Variants in TADA2B observed in about 807,000 individuals in gnomAD.
TADA2B encodes the protein transcriptional adaptor 2B.
TADA2B carries 13 observed loss-of-function variants against 34.5 expected under a neutral mutation model. The ratio of observed to expected loss-of-function variants is 0.38; its 90% CI spans 0.25 to 0.60. The LOEUF (loss-of-function observed/expected upper bound fraction) is 0.60, where lower values mean the gene tolerates loss of function less well. Among genes scored for constraint, TADA2B ranks in the 20% least tolerant of loss-of-function variants. The pLI, the probability that TADA2B is intolerant of heterozygous loss-of-function variation, is 0.65. For missense variants in TADA2B, 442 were observed against 575.0 expected (o/e 0.77, Z 2.37); for synonymous variants, 240 against 243.4 (o/e 0.99, Z 0.13).
Position 7,055,008 on chromosome 4 carries a change from T to C in TADA2B, c.1217T>C (p.Leu406Ser), listed in dbSNP as rs1403855388. 2.1e-5 allele frequency: 34 copies of C among 1,611,872 alleles called. No homozygotes were observed. The highest frequency in any genetic ancestry group is 2.8e-5 in the Non-Finnish European group (33 of 1,179,472). The change falls in exon 2 of 2, where the codon TTG becomes TCG. Residue 406 changes from leucine (L) to serine (S), a missense_variant. Coordinates refer to ENST00000310074, the MANE Select transcript of TADA2B (RefSeq NM_152293.3). Reference sequence around the variant, plus strand: ...GACAAAGTCCTAAAGAAAAGGATTTTGAATTTCCTCACAGAAAGCGGCTGG... The same window carrying C: ...GACAAAGTCCTAAAGAAAAGGATTTCGAATTTCCTCACAGAAAGCGGCTGG... ...YLDKVLKKRI[L>S]NFLTESGWIS...
intron 1 of TADA2B, among the ~76,000 whole-genome samples, chr4:7,044,671 C>T (rs1723578694): frequency 6.6e-6 from 1 of 152,188 alleles, no homozygotes; most frequent in South Asian, 2.1e-4. Flanking sequence ...AAATCTCTAG[C>T]CGTATTCCCG....
rs1231722912 is a variant in TADA2B, at chr4:7,054,092, C to T, written c.301C>T (p.Arg101Trp). 2.5e-6 allele frequency: 4 copies of T among 1,594,114 alleles called. No homozygotes were observed. Among genetic ancestry groups the T allele is most frequent in the Non-Finnish European group, 3.4e-6 (4 of 1,169,504 alleles). The change falls in exon 2 of 2, where the codon CGG becomes TGG. Residue 101 changes from arginine to tryptophan, a missense_variant. Around this residue, in one of 4 missense-constraint regions of TADA2B, gnomAD observed 102 missense variants for 177.2 expected, o/e 0.58. Coordinates refer to ENST00000310074, the MANE Select transcript of TADA2B (RefSeq NM_152293.3). ...EDMAAHVGAS[R>W]TPQEVMEHYV... ...TATGGCTGCCCACGTTGGTGCTTCC[C>T]GGACTCCCCAAGAGGTGATGGAGCA... is the stretch of plus-strand genomic sequence containing the variant.
intron 1 of TADA2B, among the ~76,000 whole-genome samples, chr4:7,052,077 G>A (rs921618029): frequency 6.6e-6 from 1 of 152,224 alleles, no homozygotes; most frequent in Admixed American, 6.5e-5. Context: ...CCAGCCTCAC[G>A]TGCCTGGGAA....
chr4:7,054,146 C>T lies in TADA2B; in HGVS notation c.355C>T (p.Leu119=), dbSNP rs777621987. The T allele has an allele frequency of 8.1e-6, 13 of 1,604,628 alleles. No homozygotes were observed. In the South Asian group the frequency reaches 1.5e-4, roughly 18 times the overall value. The change falls in exon 2 of 2, where the codon CTG becomes TTG. Residue 119 remains leucine (L), a synonymous_variant. Transcript: ENST00000310074. ...HYVSMYIHGN[L]GKACIPDTIP... ...CGTGAGCATGTACATCCACGGGAAC[C>T]TGGGGAAGGCCTGCATCCCCGACAC...
chr4:7,052,510 G>T (rs892570220), intron 1 of TADA2B, among the ~76,000 whole-genome samples: 1 of 152,224 alleles, frequency 6.6e-6, no homozygotes, highest in Non-Finnish European at 1.5e-5. Context: ...AGGGGACTTC[G>T]CGCTCGCTGT....
rs757709054 is a variant in TADA2B, at chr4:7,054,536, A to G, written c.745A>G (p.Thr249Ala). ...GGAAAAGGCGCTGAAGCGCAAGATCACCAAGGAGGAGAAGGAGCTGCGCCT... is the reference window on the plus strand; with the variant it reads ...GGAAAAGGCGCTGAAGCGCAAGATCGCCAAGGAGGAGAAGGAGCTGCGCCT... ...EKEKALKRKI[T>A]KEEKELRLKL... is the part of the protein sequence containing the mutation. Residue 249 changes from threonine (T) to alanine (A), a missense_variant, in exon 2 of 2, where the codon ACC (threonine) becomes GCC (alanine). Around this residue, in one of 4 missense-constraint regions of TADA2B, gnomAD observed 222 missense variants for 235.2 expected, o/e 0.94. Coordinates refer to ENST00000310074, the MANE Select transcript of TADA2B (RefSeq NM_152293.3). 1 of 1,613,850 alleles carries G rather than the reference A, an allele frequency of 6.2e-7. No homozygotes were observed. The highest frequency in any genetic ancestry group is 8.5e-7 in the Non-Finnish European group (1 of 1,179,896).
Position 7,054,804 on chromosome 4 carries a change from A to G in TADA2B, c.1013A>G (p.Glu338Gly). 1 of 1,613,888 alleles carries G rather than the reference A, an allele frequency of 6.2e-7. No individual in the cohort carries two copies. The change falls in exon 2 of 2, where the codon GAG becomes GGG. Residue 338 changes from glutamate to glycine, a missense_variant. Around this residue, in one of 4 missense-constraint regions of TADA2B, gnomAD observed 114 missense variants for 144.7 expected, o/e 0.79. Coordinates refer to ENST00000310074, the MANE Select transcript of TADA2B (RefSeq NM_152293.3). The stretch of plus-strand genomic sequence containing the variant: ...GGAAAGGAGGACGGCAAAGACAGCG[A>G]GTTCGCCGCCATTGAGAACCTTCCA... ...KRGKEDGKDS[E>G]FAAIENLPGF... is the part of the protein sequence containing the mutation.
intron 1 of TADA2B, among the ~76,000 whole-genome samples, chr4:7,046,799 TG>T (rs1322929156): frequency 6.6e-6 from 1 of 152,110 alleles, no homozygotes; most frequent in Non-Finnish European, 1.5e-5. Flanking sequence ...ACACCTGGCC[TG>T]GGGGTTGTAC....
At position 7,051,203 on chromosome 4, in the gene TADA2B, C is replaced by T. The variant is rs577992131; in HGVS notation, c.271-2859C>T. Among the ~76,000 whole-genome samples, 17 of 152,318 alleles carry T rather than the reference C, an allele frequency of 1.1e-4. No individual in the cohort carries two copies. The East Asian group carries it at 1.5e-3, about 14-fold the overall frequency. On this transcript the variant is annotated intron_variant, in intron 1 of 1. Coordinates refer to ENST00000310074, the MANE Select transcript of TADA2B (RefSeq NM_152293.3). ...GGGGTCACTGAAGGCTTCCTGGACCCGGCGACCTGGTCTTGGATAAACCTT... is the reference window on the plus strand; with the variant it reads ...GGGGTCACTGAAGGCTTCCTGGACCTGGCGACCTGGTCTTGGATAAACCTT...
chr4:7,049,224 A>C (rs1262652382), intron 1 of TADA2B, among the ~76,000 whole-genome samples: 1 of 152,154 alleles, frequency 6.6e-6, no homozygotes, highest in Non-Finnish European at 1.5e-5. Flanking sequence ...GACTACAGGC[A>C]TGTACCACCA....
At chr4:7,050,520 G>A (rs1456421730) in intron 1 of TADA2B, among the ~76,000 whole-genome samples, 2 of 152,242 alleles carry the variant, frequency 1.3e-5, no homozygotes, top group Non-Finnish European at 2.9e-5. Flanking sequence ...GCTTGTGGCC[G>A]GGATGAGCTG....
At chr4:7,048,506 C>T (rs1723691904) in intron 1 of TADA2B, among the ~76,000 whole-genome samples, 1 of 152,204 alleles carries the variant, frequency 6.6e-6, no homozygotes, top group Non-Finnish European at 1.5e-5. Flanking sequence ...TTAAGAACCA[C>T]TGGGGTAGAG....
chr4:7,047,408 G>C (rs563024675), intron 1 of TADA2B, among the ~76,000 whole-genome samples: 1 of 152,326 alleles, frequency 6.6e-6, no homozygotes, highest in South Asian at 2.1e-4. Context: ...GTGCACACAC[G>C]TCAACACTCA....
chr4:7,048,883 G>A (rs9986037), intron 1 of TADA2B, among the ~76,000 whole-genome samples: 38,825 of 152,098 alleles, frequency 0.26, 5,536 homozygotes, highest in African/African-American at 0.4. Context: ...CATCCGTGTT[G>A]TGGCATGCGT....
chr4:7,048,454 A>G (rs932947511), intron 1 of TADA2B, among the ~76,000 whole-genome samples: 3 of 151,988 alleles, frequency 2.0e-5, no homozygotes, highest in African/African-American at 4.8e-5. Context: ...ATTTCTAACA[A>G]CCTCCTAGGT....
chr4:7,049,724 G>A (rs1332824555), intron 1 of TADA2B, among the ~76,000 whole-genome samples: 1 of 152,246 alleles, frequency 6.6e-6, no homozygotes, highest in Non-Finnish European at 1.5e-5. Flanking sequence ...AGATACAGGG[G>A]GTGACCCGGT....
At chr4:7,046,940 G>A (rs935433641) in intron 1 of TADA2B, among the ~76,000 whole-genome samples, 1 of 152,136 alleles carries the variant, frequency 6.6e-6, no homozygotes, top group African/African-American at 2.4e-5. Flanking sequence ...GGTTAACAGT[G>A]ACACCTGGGG....
At chr4:7,052,419 G>A (rs926863197) in intron 1 of TADA2B, among the ~76,000 whole-genome samples, 2 of 152,376 alleles carry the variant, frequency 1.3e-5, no homozygotes, top group Middle Eastern at 3.4e-3. Flanking sequence ...AGGCCATTGC[G>A]GTTCCTGGGG....
chr4:7,048,132 A>C (rs569201401), intron 1 of TADA2B, among the ~76,000 whole-genome samples: 2 of 152,270 alleles, frequency 1.3e-5, no homozygotes, highest in East Asian at 3.9e-4. Context: ...GTCACCTCTG[A>C]GGCCGAGGTC....
Sources: allele counts gnomAD v4.1 joint callset (sites outside exome capture counted in the v4.1 genomes callset), GRCh38; gene constraint gnomAD v4.1.1; regional missense constraint gnomAD v4.1.1; transcripts MANE v1.5; gene names NCBI Gene and HGNC (gene_info 2026-07-23, HGNC 2026-07-21).